The following ATXN1 variants were observed in gnomAD, a reference collection of about 807,000 sequenced individuals.
The protein encoded by ATXN1 is ataxin-1.
In ATXN1, 8 loss-of-function variants were observed where a neutral mutation model predicts 56.4. The observed-to-expected ratio is 0.14, with a 90% CI of 0.08 to 0.26. The LOEUF is 0.26. ATXN1 is among the 10% of genes least tolerant of loss of function. The pLI is 1.00. For missense variants in ATXN1, 987 were observed against 1,106.5 expected (o/e 0.89, Z 1.53); for synonymous variants, 514 against 494.6 (o/e 1.04, Z -0.52).
At chr6:16,421,291 A>AT (rs1323770532) in intron 6 of ATXN1, among the ~76,000 whole-genome samples, 4 of 152,270 alleles carry the variant, frequency 2.6e-5, no homozygotes, top group Non-Finnish European at 4.4e-5. Flanking sequence ...CCAACCCCAC[A>AT]TATCAAACCG....
At chr6:16,547,044 A>T (rs1354100675) in intron 4 of ATXN1, among the ~76,000 whole-genome samples, 2 of 152,250 alleles carry the variant, frequency 1.3e-5, no homozygotes, top group African/African-American at 4.8e-5. Flanking sequence ...GCCCAAGGAA[A>T]GTGGGAAAAG....
chr6:16,347,715 G>A (rs936239079), intron 6 of ATXN1, among the ~76,000 whole-genome samples: 1 of 152,198 alleles, frequency 6.6e-6, no homozygotes, highest in Non-Finnish European at 1.5e-5. Flanking sequence ...CTCAGGGATT[G>A]TAAATGCACC....
At chr6:16,591,595 G>A (rs1487184244) in intron 3 of ATXN1, among the ~76,000 whole-genome samples, 5 of 152,116 alleles carry the variant, frequency 3.3e-5, no homozygotes, top group African/African-American at 7.2e-5. Context: ...GATTCAGCTC[G>A]ATGTCACTTC....
rs775932221 is a variant in ATXN1, at chr6:16,327,159, G to T, written c.1152C>A (p.Val384=). The T allele has an allele frequency of 4.3e-6, 7 of 1,613,790 alleles. No homozygotes were observed. In the South Asian group the frequency reaches 6.6e-5, roughly 15 times the overall value. Reference sequence around the variant, plus strand: ...CTGCGGGCGTGTTGCTGTTGGGCAGGACCATCACAGAGGCCCGGACCCCCG... The same window carrying T: ...CTGCGGGCGTGTTGCTGTTGGGCAGTACCATCACAGAGGCCCGGACCCCCG... ...DPSGVRASVM[V]LPNSNTPAAD... The change falls in exon 7 of 8, where the codon GTC becomes GTA. Residue 384 remains valine (V), a synonymous_variant. Coordinates refer to ENST00000436367, the MANE Select transcript of ATXN1 (RefSeq NM_001128164.2).
intron 6 of ATXN1, among the ~76,000 whole-genome samples, chr6:16,405,195 A>G (rs770139843): frequency 1.3e-5 from 2 of 152,232 alleles, no homozygotes; most frequent in Admixed American, 1.3e-4. Context: ...ACTAATAAGT[A>G]TATCACAGGC....
At chr6:16,721,361 C>T (rs1437682422) in intron 2 of ATXN1, among the ~76,000 whole-genome samples, 2 of 152,182 alleles carry the variant, frequency 1.3e-5, no homozygotes, top group Admixed American at 6.5e-5. Flanking sequence ...GGTGGTTGTT[C>T]ATGCCTATAA....
rs866886987 is a variant in ATXN1 at position 16,647,526 on chromosome 6, A to G, written c.-489+10250T>C. On this transcript the variant is annotated intron_variant, in intron 3 of 7. Transcript: ENST00000436367. ...TATGGTGGCTGTAATCAGTTGTCTC[A>G]GGGCTAGATTTTAAATCTTTGAGAT... Among the ~76,000 whole-genome samples the G allele has an allele frequency of 5.3e-5, 8 of 152,338 alleles. No individual in the cohort carries two copies. The South Asian group carries it at 1.2e-3, about 24-fold the overall frequency.
chr6:16,386,878 C>A (rs1426134381), intron 6 of ATXN1, among the ~76,000 whole-genome samples: 1 of 152,064 alleles, frequency 6.6e-6, no homozygotes, highest in East Asian at 1.9e-4. Flanking sequence ...CACTATGTTG[C>A]CCAGGCTGGT....
chr6:16,336,895 G>C (rs1325473671), intron 6 of ATXN1, among the ~76,000 whole-genome samples: 1 of 152,158 alleles, frequency 6.6e-6, no homozygotes, highest in African/African-American at 2.4e-5. Context: ...TGCATCTATA[G>C]ACTTTTTGGG....
chr6:16,488,191 C>T (rs1760588802), intron 5 of ATXN1, among the ~76,000 whole-genome samples: 1 of 152,084 alleles, frequency 6.6e-6, no homozygotes, highest in South Asian at 2.1e-4. Flanking sequence ...TCTAATGCAC[C>T]CCAAGTCACT....
At chr6:16,386,862 G>A (rs1276288462) in intron 6 of ATXN1, among the ~76,000 whole-genome samples, 1 of 152,016 alleles carries the variant, frequency 6.6e-6, no homozygotes, top group African/African-American at 2.4e-5. Flanking sequence ...AAAGGAGACG[G>A]GGTTTCACTA....
chr6:16,749,553 A>T (rs1424992492), intron 2 of ATXN1, among the ~76,000 whole-genome samples: 1 of 152,220 alleles, frequency 6.6e-6, no homozygotes, highest in African/African-American at 2.4e-5. Flanking sequence ...ACTGTAGTTC[A>T]GCACTGAGTT....
intron 4 of ATXN1, among the ~76,000 whole-genome samples, chr6:16,584,908 C>T (rs755083550): frequency 6.6e-6 from 1 of 151,978 alleles, no homozygotes; most frequent in Admixed American, 6.6e-5. Context: ...GGAACTAATA[C>T]AGAGCTATAA....
intron 3 of ATXN1, among the ~76,000 whole-genome samples, chr6:16,653,157 C>T (rs1758102975): frequency 6.6e-6 from 1 of 152,178 alleles, no homozygotes; most frequent in Admixed American, 6.5e-5. Flanking sequence ...ATTCCATCTA[C>T]CAGGGCTGGA....
chr6:16,566,830 T>C (rs6925592), intron 4 of ATXN1, among the ~76,000 whole-genome samples: 9,973 of 152,114 alleles, frequency 0.066, 1,011 homozygotes, highest in African/African-American at 0.22. Flanking sequence ...CACTCCAGCC[T>C]GGGCAACAGA....
rs1761073996 is a variant in ATXN1 at position 16,760,934 on chromosome 6, G to A, written c.-730+364C>T. Among the ~76,000 whole-genome samples the A allele has an allele frequency of 6.8e-6, 1 of 146,898 alleles. No individual in the cohort carries two copies. The highest frequency in any genetic ancestry group is 2.5e-5 in the African/African-American group (1 of 40,374). ...GCCGCTCTCCCCGCCCGCGCCCCCCGCCCGGGCGCGCCCCCTAGCCCGGCG... is the reference window on the plus strand; with the variant it reads ...GCCGCTCTCCCCGCCCGCGCCCCCCACCCGGGCGCGCCCCCTAGCCCGGCG... On this transcript the variant is annotated intron_variant, in intron 1 of 7. Coordinates refer to ENST00000436367, the MANE Select transcript of ATXN1 (RefSeq NM_001128164.2). This position sits in a 1 kb window ranked among gnomAD's most constrained non-coding sequence, Gnocchi z 5.3.
In ATXN1 at chr6:16,453,019, G is replaced by A. The variant is rs115956999; in HGVS notation, c.-161+32953C>T. Among the ~76,000 whole-genome samples, 1,288 of 152,244 alleles carry A rather than the reference G, an allele frequency of 8.5e-3. 5 individuals are homozygous for A. The highest frequency in any genetic ancestry group is 0.015 in the Non-Finnish European group (987 of 68,006). ...TTTGCATCCAGACAACATGCTAGTC[G>A]AAAGTGATTTAGTCTTTAAAGTAAT... On this transcript the variant is annotated intron_variant, in intron 6 of 7. Coordinates refer to ENST00000436367, the MANE Select transcript of ATXN1 (RefSeq NM_001128164.2).
chr6:16,386,909 C>A (rs1350433474), intron 6 of ATXN1, among the ~76,000 whole-genome samples: 1 of 152,124 alleles, frequency 6.6e-6, no homozygotes. Flanking sequence ...TGGGCTCAAG[C>A]AATCTGCCTG....
chr6:16,484,059 A>T (rs183158619), intron 6 of ATXN1, among the ~76,000 whole-genome samples: 1,686 of 152,060 alleles, frequency 0.011, 9 homozygotes, highest in Non-Finnish European at 0.018. Context: ...GGTTTTTTTT[A>T]AAAAAATAAG....
Sources: allele counts gnomAD v4.1 joint callset (sites outside exome capture counted in the v4.1 genomes callset), GRCh38; gene constraint gnomAD v4.1.1; non-coding constraint Gnocchi (gnomAD v3.1); transcripts MANE v1.5; gene names NCBI Gene and HGNC (gene_info 2026-07-23, HGNC 2026-07-21).